TANC2: variants seen among roughly 807,000 people sequenced by gnomAD.
The protein encoded by TANC2 is tetratricopeptide repeat, ankyrin repeat and coiled-coil containing 2, also known as protein TANC2.
A neutral mutation model predicts 210.5 loss-of-function variants in TANC2; 26 were observed. That is an observed-to-expected ratio of 0.12 (90% CI 0.09 to 0.17). TANC2 has a LOEUF of 0.17. Among genes scored for constraint, TANC2 ranks in the 10% least tolerant of loss-of-function variants. The pLI, the probability that TANC2 is intolerant of heterozygous loss-of-function variation, is 1.00. For missense variants in TANC2, 2,129 were observed against 2,608.9 expected (o/e 0.82, Z 4.01); for synonymous variants, 931 against 967.1 (o/e 0.96, Z 0.69).
At chr17:63,369,600 C>T (rs942070677) in intron 14 of TANC2, among the ~76,000 whole-genome samples, 2 of 144,666 alleles carry the variant, frequency 1.4e-5, no homozygotes, top group Non-Finnish European at 3.0e-5. Context: ...GTTGCCCATG[C>T]CAGAGTGCAG....
chr17:63,354,714 A>G, intron 13 of TANC2, 69 bp from the exon 14 acceptor site: 1 of 1,510,158 alleles, frequency 6.6e-7, no homozygotes. Context: ...TGTGAACCTC[A>G]TAGTTTATCA....
chr17:63,220,716 AAAAATAT>A (rs1250238863), intron 7 of TANC2, among the ~76,000 whole-genome samples: 1 of 127,082 alleles, frequency 7.9e-6, no homozygotes, highest in Non-Finnish European at 1.7e-5. Context: ...AAAAAAAAAA[AAAAATAT>A]ATATATATAT....
At chr17:63,340,025 CACTCAA>C (rs2046174079) in intron 11 of TANC2, 70 bp from the exon 12 acceptor site, 1 of 1,057,254 alleles carries the variant, frequency 9.5e-7, no homozygotes, top group Non-Finnish European at 1.4e-6. Flanking sequence ...CTAGTATAAT[CACTCAA>C]TAGCTGATAA....
intron 4 of TANC2, chr17:63,148,833 C>T (rs1315879734): frequency 1.3e-5 from 2 of 152,154 alleles, no homozygotes; most frequent in African/African-American, 4.8e-5. Context: ...GCCCCATCTT[C>T]CAACTTGCCC....
intron 21 of TANC2, among the ~76,000 whole-genome samples, chr17:63,410,927 G>A (rs1382854937): frequency 1.4e-5 from 2 of 144,368 alleles, no homozygotes; most frequent in East Asian, 4.0e-4. Context: ...TTTATTACAT[G>A]CAAATAGTAT....
chr17:63,065,874 G>A (rs557549561), intron 2 of TANC2, among the ~76,000 whole-genome samples: 2 of 152,148 alleles, frequency 1.3e-5, no homozygotes, highest in South Asian at 4.1e-4. Context: ...TGTTTTCTTT[G>A]CTGTGCAGAA....
intron 2 of TANC2, among the ~76,000 whole-genome samples, chr17:63,028,592 ATATTTC>A (rs1448055649): frequency 6.6e-6 from 1 of 152,140 alleles, no homozygotes; most frequent in African/African-American, 2.4e-5. Flanking sequence ...GGTGATAAGA[ATATTTC>A]TTTTCTCCAG....
intron 2 of TANC2, among the ~76,000 whole-genome samples, chr17:63,073,426 T>A (rs1171458216): frequency 6.6e-6 from 1 of 152,122 alleles, no homozygotes; most frequent in Admixed American, 6.6e-5. Context: ...TTAAAAATCA[T>A]GGTAAAATAA....
At chr17:63,107,404 A>G (rs2037868386) in intron 4 of TANC2, among the ~76,000 whole-genome samples, 1 of 151,774 alleles carries the variant, frequency 6.6e-6, no homozygotes, top group Admixed American at 6.6e-5. Context: ...TTGATATTTT[A>G]TGCAGATACA....
chr17:63,132,615 C>G (rs1024734039), intron 4 of TANC2, among the ~76,000 whole-genome samples: 8 of 152,172 alleles, frequency 5.3e-5, no homozygotes, highest in Admixed American at 5.2e-4. Flanking sequence ...AATTAATCAT[C>G]TTCTTATCTT....
In TANC2 at chr17:62,969,886, G is replaced by A. The variant is rs752454445; in HGVS notation, c.-24+3137G>A. On this transcript the variant is annotated intron_variant, in intron 1 of 27. Coordinates refer to ENST00000689528, the Ensembl canonical transcript of TANC2. ...AAAACTACCATAATTAGCACAAATG[G>A]ATTAGATGCCTATGTACATTTTACC... is the stretch of plus-strand genomic sequence containing the variant. Among the ~76,000 whole-genome samples, 42 of 152,210 alleles carry A rather than the reference G, an allele frequency of 2.8e-4. 1 individual carries two copies. The highest frequency in any genetic ancestry group is 5.4e-4 in the Non-Finnish European group (37 of 67,982).
rs913256184 is a variant in TANC2, at chr17:63,418,159, C to T, written c.4168-148C>T. On this transcript the variant is annotated intron_variant, in intron 26 of 27. Coordinates refer to ENST00000689528, the Ensembl canonical transcript of TANC2. The surrounding 1 kb of genome is among the most constrained non-coding windows in gnomAD (Gnocchi z 4.6). ...GAAGGAACTTTCAGTCCACAGGCCACGCGGCTTGAGCCATGTCAGGCACGT... is the reference window on the plus strand; with the variant it reads ...GAAGGAACTTTCAGTCCACAGGCCATGCGGCTTGAGCCATGTCAGGCACGT... 7.8e-6 allele frequency: 6 copies of T among 771,508 alleles called. No individual in the cohort carries two copies. Among genetic ancestry groups the T allele is most frequent in the African/African-American group, 3.5e-5 (2 of 57,322 alleles). The allele number at this position is 771,508 out of a possible 1,614,324, so 47.8% of individuals were successfully genotyped here.
At chr17:63,238,656 T>TA (rs1265381711) in intron 8 of TANC2, among the ~76,000 whole-genome samples, 4 of 151,970 alleles carry the variant, frequency 2.6e-5, no homozygotes, top group African/African-American at 9.7e-5. Flanking sequence ...CAAACTCGGT[T>TA]AAAAAAAATT....
chr17:63,376,752 A>T (rs931304474), intron 14 of TANC2, among the ~76,000 whole-genome samples: 1 of 151,946 alleles, frequency 6.6e-6, no homozygotes, highest in Non-Finnish European at 1.5e-5. Context: ...CATCAGTATC[A>T]TCTGAAGGTG....
At chr17:63,411,044 C>A (rs1158855791) in intron 21 of TANC2, among the ~76,000 whole-genome samples, 1 of 151,692 alleles carries the variant, frequency 6.6e-6, no homozygotes, top group Non-Finnish European at 1.5e-5. Flanking sequence ...GGAGATAGTT[C>A]CTAGAGAATG....
At chr17:63,188,530 T>A (rs184901749) in intron 5 of TANC2, among the ~76,000 whole-genome samples, 1 of 150,376 alleles carries the variant, frequency 6.6e-6, no homozygotes, top group East Asian at 2.0e-4. Context: ...GAGGCGGAGG[T>A]TGCAGTGAGC....
chr17:63,314,955 A>C (rs1198638673), intron 10 of TANC2, among the ~76,000 whole-genome samples: 1 of 152,138 alleles, frequency 6.6e-6, no homozygotes, highest in African/African-American at 2.4e-5. Flanking sequence ...TAACGACCGC[A>C]GCAATTGCCC....
intron 14 of TANC2, among the ~76,000 whole-genome samples, chr17:63,366,705 A>C (rs2146984334): frequency 6.6e-6 from 1 of 152,306 alleles, no homozygotes; most frequent in South Asian, 2.1e-4. Context: ...CATTTCTATA[A>C]AGGTACCTTT....
chr17:63,382,220 G>A (rs2047636117), intron 15 of TANC2, among the ~76,000 whole-genome samples: 2 of 152,182 alleles, frequency 1.3e-5, no homozygotes, highest in Admixed American at 1.3e-4. Context: ...CCTCAGTGCG[G>A]TTCTCAGTGC....
Sources: allele counts gnomAD v4.1 joint callset (sites outside exome capture counted in the v4.1 genomes callset), GRCh38; gene constraint gnomAD v4.1.1; non-coding constraint Gnocchi (gnomAD v3.1); transcripts MANE v1.5; gene names NCBI Gene and HGNC (gene_info 2026-07-23, HGNC 2026-07-21).